The following C1QTNF6 variants were observed in gnomAD, a reference collection of about 807,000 sequenced individuals.
The protein encoded by C1QTNF6 is complement C1q tumor necrosis factor-related protein 6.
A neutral mutation model predicts 20.7 loss-of-function variants in C1QTNF6; 17 were observed. That is an observed-to-expected ratio of 0.82 (90% CI 0.56 to 1.23). The LOEUF (loss-of-function observed/expected upper bound fraction) is 1.23. Among genes scored for constraint, C1QTNF6 ranks in the 50% most tolerant of loss-of-function variants. C1QTNF6 has a pLI of 0.00. For synonymous variants in C1QTNF6, 130 were observed against 156.3 expected (o/e 0.83, Z 1.25); for missense variants, 329 against 389.7 (o/e 0.84, Z 1.31).
Position 37,185,286 on chromosome 22 carries a change from G to T in C1QTNF6, c.221C>A (p.Ala74Asp). The stretch of plus-strand genomic sequence containing the variant: ...GGCGTGGGGGCGGCCGGAGGAAGAG[G>T]CTGAGGATACATGGGCAGGATCCAG... Reference protein sequence around the residue: ...DPLDPAHVSSASSSGRPHALP... With the variant: ...DPLDPAHVSSDSSSGRPHALP... Residue 74 changes from alanine (A) to aspartate (D), a missense_variant, in exon 2 of 3, where the codon GCC (alanine) becomes GAC (aspartate). Ala to Asp is a moderately radical substitution (Grantham distance 126, BLOSUM62 -2). Coordinates refer to ENST00000337843, the MANE Select transcript of C1QTNF6 (RefSeq NM_031910.4). 1.2e-6 allele frequency: 2 copies of T among 1,612,300 alleles called. No homozygotes were observed.
chr22:37,191,170 A>G (rs1369220069), upstream of C1QTNF6, among the ~76,000 whole-genome samples: 1 of 152,216 alleles, frequency 6.6e-6, no homozygotes, highest in Non-Finnish European at 1.5e-5. Flanking sequence ...ACAATTGTCT[A>G]TGGATGACAG....
At chr22:37,192,748 G>C (rs188151610), upstream of C1QTNF6, among the ~76,000 whole-genome samples, 20 of 152,308 alleles carry the variant, frequency 1.3e-4, no homozygotes, top group East Asian at 3.9e-3. Context: ...ATTAATCAGA[G>C]CTCTTTCATA....
rs7290488 is a variant in C1QTNF6, at chr22:37,185,343, C to T, written c.164G>A (p.Gly55Asp). 0.16 allele frequency: 259,564 copies of T among 1,613,360 alleles called. 23,076 individuals are homozygous for T. Among genetic ancestry groups the T allele is most frequent in the Non-Finnish European group, 0.19 (220,273 of 1,179,678 alleles). ...ELTFDRAVASGCQRCCDSEDP... is the reference protein window; with the variant it reads ...ELTFDRAVASDCQRCCDSEDP... Reference sequence around the variant, plus strand: ...CTCAGAGTCACAGCACCGTTGGCAGCCGCTGGCCACAGCTCTGTCAAAGGT... The same window carrying T: ...CTCAGAGTCACAGCACCGTTGGCAGTCGCTGGCCACAGCTCTGTCAAAGGT... Residue 55 changes from glycine (G) to aspartate (D), a missense_variant, in exon 2 of 3, where the codon GGC becomes GAC. Transcript: ENST00000337843.
upstream of C1QTNF6, among the ~76,000 whole-genome samples, chr22:37,192,786 A>G (rs1051169976): frequency 1.3e-5 from 2 of 152,240 alleles, no homozygotes; most frequent in Non-Finnish European, 2.9e-5. Context: ...CAACATATAT[A>G]AATACACAGA....
upstream of C1QTNF6, among the ~76,000 whole-genome samples, chr22:37,192,030 A>G (rs1166650425): frequency 2.2e-5 from 3 of 137,086 alleles, no homozygotes; most frequent in Non-Finnish European, 4.6e-5. Context: ...AAACTGAATA[A>G]TATCCCTTTA....
intron 1 of C1QTNF6, chr22:37,196,882 C>T (rs1925168573): frequency 6.6e-6 from 1 of 152,276 alleles, no homozygotes; most frequent in Non-Finnish European, 1.5e-5. Context: ...CAGGGCTCAT[C>T]CTTGGGCCTC....
intron 1 of C1QTNF6, among the ~76,000 whole-genome samples, chr22:37,187,589 A>G (rs1429406123): frequency 7.2e-6 from 1 of 139,778 alleles, no homozygotes; most frequent in Non-Finnish European, 1.5e-5. Context: ...AAAAAAAAAA[A>G]GTGTGCTTTG....
chr22:37,188,027 G>C (rs1230431681), intron 1 of C1QTNF6, 136 bp downstream of exon 1: 1 of 876,016 alleles, frequency 1.1e-6, no homozygotes, highest in Non-Finnish European at 1.7e-6. Flanking sequence ...GAAATGTGGA[G>C]GGGAGAGCCT....
Position 37,188,185 on chromosome 22 carries a change from G to A in C1QTNF6, c.29C>T (p.Pro10Leu). The A allele has an allele frequency of 6.2e-7, 1 of 1,609,972 alleles. No homozygotes were observed. The highest frequency in any genetic ancestry group is 8.5e-7 in the Non-Finnish European group (1 of 1,178,132). ...CACCCTGTGTCCTGTGGCCTCCCCA[G>A]GCGACTCACGGACCCTGAGCCACTG... The part of the protein sequence containing the change: MQWLRVRES[P>L]GEATGHRVTM... The change falls in exon 1 of 3, where the codon CCT becomes CTT. Residue 10 changes from proline to leucine, a missense_variant. Coordinates refer to ENST00000337843, the MANE Select transcript of C1QTNF6 (RefSeq NM_031910.4).
chr22:37,195,619 C>G (rs1925090305), intron 1 of C1QTNF6: 1 of 152,302 alleles, frequency 6.6e-6, no homozygotes, highest in Middle Eastern at 3.4e-3. Context: ...AGACAGACCA[C>G]CCCTGAGCGC....
In C1QTNF6 at chr22:37,184,342, G is replaced by T. The variant is rs540600456; in HGVS notation, c.289+876C>A. 2.8e-6 allele frequency: 2 copies of T among 716,936 alleles called. No individual in the cohort carries two copies. The highest frequency in any genetic ancestry group is 3.5e-5 in the African/African-American group (2 of 57,216). The allele number at this position is 716,936 out of a possible 1,614,324, so 44.4% of individuals were successfully genotyped here. A position where few individuals can be genotyped will look rare whatever the true frequency, so the allele number is the denominator to read the frequency against. On this transcript the variant is annotated intron_variant, in intron 2 of 2. Coordinates refer to ENST00000337843, the MANE Select transcript of C1QTNF6 (RefSeq NM_031910.4). The surrounding 1 kb of genome is among the most constrained non-coding windows in gnomAD (Gnocchi z 4.0). ...AGGAATAAGAAAATATCGACCTCAC[G>T]GGCTGTTGTGGGCAGAGACGGACGC...
upstream of C1QTNF6, among the ~76,000 whole-genome samples, chr22:37,188,706 T>TCG (rs1924602911): frequency 6.6e-6 from 1 of 152,222 alleles, no homozygotes. Flanking sequence ...GCTACCACAG[T>TCG]CGCGTCGCCT....
At chr22:37,188,113 T>G in intron 1 of C1QTNF6, 50 bp downstream of exon 1, 1 of 1,564,138 alleles carries the variant, frequency 6.4e-7, no homozygotes, top group South Asian at 1.2e-5. Flanking sequence ...GGAGAGGAAT[T>G]CCAGGCTCTG....
In C1QTNF6 at chr22:37,182,884, C is replaced by T. The variant is rs1382277986; in HGVS notation, c.290-149G>A. 4.9e-6 allele frequency: 7 copies of T among 1,438,838 alleles called. No individual in the cohort carries two copies. In the Admixed American group the frequency reaches 2.0e-4, roughly 41 times the overall value. The allele number at this position is 1,438,838 out of a possible 1,614,324, so 89.1% of individuals were successfully genotyped here. ...GCACCTACTGTATGCCAGACATTGC[C>T]TCCCCACATGCCTGCCTAAAGAAAA... On this transcript the variant is annotated intron_variant, in intron 2 of 2. Coordinates refer to ENST00000337843, the MANE Select transcript of C1QTNF6 (RefSeq NM_031910.4).
At chr22:37,189,902 C>T (rs528054050), upstream of C1QTNF6, among the ~76,000 whole-genome samples, 8 of 152,312 alleles carry the variant, frequency 5.3e-5, no homozygotes, top group South Asian at 1.7e-3. Flanking sequence ...ACCTACTGGG[C>T]TGCATTCCCA....
chr22:37,189,978 C>T (rs62235064), upstream of C1QTNF6, among the ~76,000 whole-genome samples: 1,867 of 152,300 alleles, frequency 0.012, 18 homozygotes, highest in Middle Eastern at 0.031. Context: ...TAGACGATTC[C>T]AATACATGCT....
chr22:37,186,490 G>A (rs1382055642), intron 1 of C1QTNF6, among the ~76,000 whole-genome samples: 1 of 152,242 alleles, frequency 6.6e-6, no homozygotes, highest in Non-Finnish European at 1.5e-5. Flanking sequence ...TTGGAATTAA[G>A]GGGTAGGACT....
chr22:37,182,309 G>A lies in C1QTNF6; in HGVS notation c.716C>T (p.Ala239Val), dbSNP rs1253847297. ...CCGCACCCAGACGCGGTCCCCGTAG[G>A]CCAGGTCCAGCATCACACTCTGGCT... ...MQSQSVMLDL[A>V]YGDRVWVRLF... is the part of the protein sequence containing the mutation. Residue 239 changes from alanine (A) to valine (V), a missense_variant, in exon 3 of 3, where the codon GCC (alanine) becomes GTC (valine). Ala to Val is a moderately conservative substitution (Grantham distance 64). Coordinates refer to ENST00000337843, the MANE Select transcript of C1QTNF6 (RefSeq NM_031910.4). 4 of 1,614,174 alleles carry A rather than the reference G, an allele frequency of 2.5e-6. No homozygotes were observed. The highest frequency in any genetic ancestry group is 2.2e-5 in the East Asian group (1 of 44,882).
At chr22:37,188,127 C>G in intron 1 of C1QTNF6, 36 bp downstream of exon 1, 1 of 1,589,656 alleles carries the variant, frequency 6.3e-7, no homozygotes, top group Non-Finnish European at 8.6e-7. Context: ...GGCTCTGACC[C>G]CAGCCCCCAA....
Sources: gnomAD v4.1 joint callset for allele counts (sites outside exome capture counted in the v4.1 genomes callset) on GRCh38, gnomAD v4.1.1 for gene constraint, Gnocchi (gnomAD v3.1) non-coding constraint, MANE v1.5 for transcripts, NCBI Gene and HGNC (gene_info 2026-07-23, HGNC 2026-07-21) for gene names.